The following PCDH11X variants were observed in gnomAD, a reference collection of about 807,000 sequenced individuals.
The protein encoded by PCDH11X is protocadherin-11 X-linked.
A neutral mutation model predicts 53.3 loss-of-function variants in PCDH11X; 18 were observed. The observed-to-expected ratio is 0.34, with a 90% CI of 0.23 to 0.50. The LOEUF is 0.50. Among genes scored for constraint, PCDH11X ranks in the 20% least tolerant of loss-of-function variants. The probability of loss-of-function intolerance (pLI) is 0.98; values close to 1 mark genes in which losing one functional copy is unlikely to be tolerated. For synonymous variants in PCDH11X, 279 were observed against 393.3 expected, an observed-to-expected ratio of 0.71 and a Z score of 3.44; for missense variants, 570 against 1,032.4, an observed-to-expected ratio of 0.55 and a Z score of 6.14.
intron 10 of PCDH11X, among the ~76,000 whole-genome samples, chrX:92,523,483 A>T (rs892575562): frequency 2.7e-5 from 3 of 112,164 alleles, no homozygotes; most frequent in African/African-American, 9.7e-5. Flanking sequence ...AGAAGAAAAC[A>T]TGTTGAATGA....
chrX:91,886,806 C>A (rs1328063572), intron 6 of PCDH11X, among the ~76,000 whole-genome samples: 12 of 108,005 alleles, frequency 1.1e-4, no homozygotes, highest in Admixed American at 2.0e-4. Flanking sequence ...CCCGTCTCTA[C>A]TAAAAATACA....
At chrX:92,536,746 C>T (rs189241692) in intron 10 of PCDH11X, among the ~76,000 whole-genome samples, 32 of 103,324 alleles carry the variant, frequency 3.1e-4, no homozygotes, top group Non-Finnish European at 5.5e-4. Context: ...CAGCCTTGAC[C>T]TCTCGGGATC....
At chrX:92,519,269 A>T (rs2074326839) in intron 10 of PCDH11X, among the ~76,000 whole-genome samples, 1 of 107,165 alleles carries the variant, frequency 9.3e-6, no homozygotes, top group African/African-American at 3.3e-5. Context: ...ATTGGGTGTT[A>T]TCTCATTCAT....
intron 4 of PCDH11X, among the ~76,000 whole-genome samples, chrX:91,833,158 C>A (rs1256536323): frequency 9.6e-6 from 1 of 104,254 alleles, no homozygotes; most frequent in Non-Finnish European, 2.0e-5. Context: ...TGTGTAATAC[C>A]TAAGGGTAAG....
At chrX:92,327,461 A>G (rs1251038388) in intron 8 of PCDH11X, among the ~76,000 whole-genome samples, 2 of 97,754 alleles carry the variant, frequency 2.0e-5, no homozygotes, top group African/African-American at 7.8e-5. Flanking sequence ...AAAAAGACTC[A>G]TAAAAAAGGT....
intron 6 of PCDH11X, among the ~76,000 whole-genome samples, chrX:92,149,843 A>G (rs2065401820): frequency 9.0e-6 from 1 of 111,299 alleles, no homozygotes; most frequent in Non-Finnish European, 1.9e-5. Flanking sequence ...ATGGAATCAC[A>G]CAATATGTGA....
At chrX:92,311,082 T>A (rs921949682) in intron 8 of PCDH11X, among the ~76,000 whole-genome samples, 1 of 111,653 alleles carries the variant, frequency 9.0e-6, no homozygotes, top group African/African-American at 3.3e-5. Context: ...GAGAAACGGA[T>A]GGAGAATAAC....
In PCDH11X at chrX:92,201,405, C is replaced by T; in HGVS notation, c.3064C>T (p.Pro1022Ser). Reference protein sequence around the residue: ...PMKEVVRSCTPMKESTTMEIW... With the variant: ...PMKEVVRSCTSMKESTTMEIW... ...GAAGGAGGTTGTGCGATCTTGCACC[C>T]CCATGAAAGAGTCTACAACTATGGA... The change falls in exon 7 of 11, where the codon CCC (proline) becomes TCC (serine). Residue 1022 changes from proline to serine, a missense_variant. By Grantham distance (74) the Pro-to-Ser change is moderately conservative. Coordinates refer to ENST00000682573, the MANE Select transcript of PCDH11X (RefSeq NM_032968.5). The T allele has an allele frequency of 8.3e-7, 1 of 1,204,336 alleles. No individual in the cohort carries two copies. Among genetic ancestry groups the T allele is most frequent in the Non-Finnish European group, 1.1e-6 (1 of 890,612 alleles).
intron 6 of PCDH11X, among the ~76,000 whole-genome samples, chrX:91,971,378 A>C (rs773522226): frequency 9.2e-6 from 1 of 108,397 alleles, no homozygotes; most frequent in Non-Finnish European, 1.9e-5. Context: ...AGCTCTGTAG[A>C]CATTTATGTC....
chrX:91,844,590 G>GT (rs755859016), intron 5 of PCDH11X, among the ~76,000 whole-genome samples: 1,520 of 101,664 alleles, frequency 0.015, 24 homozygotes, highest in African/African-American at 0.047. Context: ...AATCACGACT[G>GT]TTTTTTTTTT....
At chrX:92,331,934 C>G (rs1371830942) in intron 8 of PCDH11X, among the ~76,000 whole-genome samples, 33 of 111,449 alleles carry the variant, frequency 3.0e-4, no homozygotes, top group African/African-American at 1.1e-3. Flanking sequence ...GTCAATAACC[C>G]TATTTTCCAT....
At chrX:91,831,535 G>A (rs1327676790) in intron 4 of PCDH11X, among the ~76,000 whole-genome samples, 20 of 109,742 alleles carry the variant, frequency 1.8e-4, no homozygotes, top group African/African-American at 5.7e-4. Context: ...ATTTATATCC[G>A]TATTTAGTAG....
At chrX:92,593,243 T>A (rs1170240421) in intron 10 of PCDH11X, among the ~76,000 whole-genome samples, 1 of 111,501 alleles carries the variant, frequency 9.0e-6, no homozygotes, top group Non-Finnish European at 1.9e-5. Flanking sequence ...TTACAGTCAT[T>A]AGATTCTAAA....
intron 7 of PCDH11X, among the ~76,000 whole-genome samples, chrX:92,202,604 A>C (rs766855216): frequency 8.9e-6 from 1 of 112,327 alleles, no homozygotes; most frequent in Admixed American, 9.4e-5. Context: ...GTTTTTAAAA[A>C]TCAAGTTATA....
intron 5 of PCDH11X, among the ~76,000 whole-genome samples, chrX:91,874,524 A>T (rs1015608043): frequency 9.1e-6 from 1 of 110,354 alleles, no homozygotes; most frequent in Non-Finnish European, 1.9e-5. Context: ...TTTTTTTTAA[A>T]TAACGTTGGA....
intron 8 of PCDH11X, among the ~76,000 whole-genome samples, chrX:92,281,567 A>C (rs1381535075): frequency 8.9e-6 from 1 of 112,203 alleles, no homozygotes; most frequent in Non-Finnish European, 1.9e-5. Flanking sequence ...AGTGATATAC[A>C]ATGTATAGGA....
chrX:92,014,529 T>C (rs749642422), intron 6 of PCDH11X, among the ~76,000 whole-genome samples: 3 of 109,090 alleles, frequency 2.8e-5, no homozygotes, highest in Admixed American at 9.9e-5. Flanking sequence ...GCCATCCCAT[T>C]ACTGGGTATA....
intron 9 of PCDH11X, among the ~76,000 whole-genome samples, chrX:92,417,838 G>A (rs866895913): frequency 4.7e-5 from 1 of 21,391 alleles, no homozygotes; most frequent in African/African-American, 1.8e-4. Context: ...TTTTTTTTTT[G>A]CCCCTTTCCT....
At chrX:92,029,108 A>G (rs2063009182) in intron 6 of PCDH11X, among the ~76,000 whole-genome samples, 1 of 111,508 alleles carries the variant, frequency 9.0e-6, no homozygotes, top group Admixed American at 9.6e-5. Flanking sequence ...GGAGTAGCTT[A>G]TGCATTATGA....
Sources: gnomAD v4.1 joint callset for allele counts (sites outside exome capture counted in the v4.1 genomes callset) on GRCh38, gnomAD v4.1.1 for gene constraint, MANE v1.5 for transcripts, NCBI Gene and HGNC (gene_info 2026-07-23, HGNC 2026-07-21) for gene names.